The following SDHA variants were observed in gnomAD, a reference collection of about 807,000 sequenced individuals.
SDHA encodes succinate dehydrogenase [ubiquinone] flavoprotein subunit, mitochondrial.
In SDHA, 48 loss-of-function variants were observed where a neutral mutation model predicts 78.4. The ratio of observed to expected loss-of-function variants is 0.61; its 90% CI spans 0.49 to 0.78. The LOEUF is 0.78. SDHA is among the 30% of genes least tolerant of loss of function. The pLI is 0.00. For missense variants in SDHA, 680 were observed against 892.7 expected (o/e 0.76, Z 3.04); for synonymous variants, 326 against 353.9 (o/e 0.92, Z 0.88).
intron 11 of SDHA, among the ~76,000 whole-genome samples, chr5:242,254 C>T (rs1283196966): frequency 6.6e-6 from 1 of 152,234 alleles, no homozygotes; most frequent in Non-Finnish European, 1.5e-5. Context: ...CTCTGCAGCA[C>T]TGTGACATGC....
chr5:222,223 A>G (rs1362991367), intron 1 of SDHA, among the ~76,000 whole-genome samples: 1 of 152,190 alleles, frequency 6.6e-6, no homozygotes, highest in Non-Finnish European at 1.5e-5. Context: ...AATTGGAGAA[A>G]TGAAGAATAA....
chr5:221,780 G>A (rs1734729826), intron 1 of SDHA, among the ~76,000 whole-genome samples: 1 of 152,212 alleles, frequency 6.6e-6, no homozygotes, highest in East Asian at 1.9e-4. Flanking sequence ...TCAAAAATCT[G>A]CCCCAGATTA....
intron 13 of SDHA, among the ~76,000 whole-genome samples, chr5:253,836 C>T (rs536040913): frequency 7.8e-4 from 119 of 152,212 alleles, no homozygotes; most frequent in Non-Finnish European, 1.6e-3. Context: ...TGAGGCAGGC[C>T]AATGACTTGA....
intron 1 of SDHA, among the ~76,000 whole-genome samples, chr5:221,864 G>C (rs1458652635): frequency 6.6e-6 from 1 of 152,100 alleles, no homozygotes; most frequent in Admixed American, 6.6e-5. Context: ...TTGTGTTATA[G>C]TAGCTGCCCC....
rs563051768 is a variant in SDHA at position 220,271 on chromosome 5, G to A, written c.63+1853G>A. On this transcript the variant is annotated intron_variant, in intron 1 of 14. Transcript: ENST00000264932. The stretch of plus-strand genomic sequence containing the variant: ...GACACAGCTTGCAAACTGTTCGAAA[G>A]CAGTTTAATCAGAGGAAAAAGAAAA... 14 of 453,262 alleles carry A rather than the reference G, an allele frequency of 3.1e-5. 1 individual carries two copies. Among genetic ancestry groups the A allele is most frequent in the African/African-American group, 2.2e-4 (11 of 50,062 alleles). The allele number at this position is 453,262 out of a possible 1,614,324, so 28.1% of individuals were successfully genotyped here.
At chr5:251,268 A>G in intron 12 of SDHA, 70 bp from the exon 13 acceptor site, 1 of 1,569,896 alleles carries the variant, frequency 6.4e-7, no homozygotes, top group Non-Finnish European at 8.7e-7. Flanking sequence ...TAGCAGGCCC[A>G]GGCTGACAGC....
At chr5:264,619 G>A in the SDHA span, among the ~76,000 whole-genome samples, 1,922 of 152,360 alleles carry the variant, frequency 0.013, 41 homozygotes, top group African/African-American at 0.043. Flanking sequence ...GTTTGAGTCT[G>A]AGGAGTGACC....
rs1736578187 is a variant in SDHA at position 248,024 on chromosome 5, C to CT, written c.1552-2968_1552-2967insT. Reference sequence around the variant, plus strand: ...AAATTTTTTGAGCCTGCCTAAAGGCCAGATCTTATCAGCAGCTGAACAGCA... The same window carrying CT: ...AAATTTTTTGAGCCTGCCTAAAGGCCTAGATCTTATCAGCAGCTGAACAGCA... On this transcript the variant is annotated intron_variant, in intron 11 of 14. Coordinates refer to ENST00000264932, the MANE Select transcript of SDHA (RefSeq NM_004168.4). 1.3e-5 allele frequency among the ~76,000 whole-genome samples: 2 copies of CT among 152,196 alleles called. 1 individual carries two copies. The highest frequency in any genetic ancestry group is 1.3e-4 in the Admixed American group (2 of 15,284).
Position 256,327 on chromosome 5 carries a change from T to C in SDHA, c.1909-7T>C. 2 of 1,611,714 alleles carry C rather than the reference T, an allele frequency of 1.2e-6. No individual in the cohort carries two copies. The highest frequency in any genetic ancestry group is 1.7e-6 in the Non-Finnish European group (2 of 1,177,874). ...TGCTTAACTTACCACTGACTCTTCT[T>C]TTCAAGGTCACTCTGGAATATAGAC... is the stretch of plus-strand genomic sequence containing the variant. On this transcript the variant is annotated splice_polypyrimidine_tract_variant and splice_region_variant and intron_variant, in intron 14 of 14. Transcript: ENST00000264932.
At chr5:235,754 G>A (rs1228780388) in intron 9 of SDHA, 5 of 333,482 alleles carry the variant, frequency 1.5e-5, no homozygotes, top group Admixed American at 4.4e-5. Flanking sequence ...AGAGGTGAAC[G>A]GGGTAGAACA....
At chr5:226,718 G>A (rs1735051374) in intron 5 of SDHA, among the ~76,000 whole-genome samples, 1 of 151,938 alleles carries the variant, frequency 6.6e-6, no homozygotes, top group Non-Finnish European at 1.5e-5. Flanking sequence ...CACAAGGTCA[G>A]GAGTTTGAGG....
intron 11 of SDHA, among the ~76,000 whole-genome samples, chr5:241,734 A>T (rs549114374): frequency 6.6e-6 from 1 of 152,320 alleles, no homozygotes; most frequent in African/African-American, 2.4e-5. Flanking sequence ...TCTAACACCT[A>T]TGTGGTGTTA....
chr5:220,815 A>T (rs989451090), intron 1 of SDHA, among the ~76,000 whole-genome samples: 14 of 139,094 alleles, frequency 1.0e-4, no homozygotes, highest in African/African-American at 3.4e-4. Flanking sequence ...TGTGAACTGA[A>T]TTTTTTTTTT....
At chr5:256,301 G>A (rs1198257606) in intron 14 of SDHA, 33 bp from the exon 15 acceptor site, 2 of 1,514,862 alleles carry the variant, frequency 1.3e-6, no homozygotes, top group East Asian at 2.3e-5. Context: ...GTACATTTTT[G>A]TGCTTAACTT....
chr5:252,515 T>TTAAA lies in SDHA; in HGVS notation c.1794+1050_1794+1051insATAA, dbSNP rs1323068201. ...GCCCTGTGGAGGAAATGCCAGTTTATTAACGAGTAAGTCACCGTTTCAAAC... is the reference window on the plus strand; with the variant it reads ...GCCCTGTGGAGGAAATGCCAGTTTATTAAATAACGAGTAAGTCACCGTTTCAAAC... On this transcript the variant is annotated intron_variant, in intron 13 of 14. Transcript: ENST00000264932. Among the ~76,000 whole-genome samples, 277 of 143,998 alleles carry TTAAA rather than the reference T, an allele frequency of 1.9e-3. 3 individuals are homozygous for TTAAA. The highest frequency in any genetic ancestry group is 2.8e-3 in the Admixed American group (40 of 14,354). 94.5% of individuals were successfully genotyped at this position (143,998 alleles called of 152,430 possible).
At chr5:254,182 A>G (rs9688031) in intron 13 of SDHA, among the ~76,000 whole-genome samples, 34,294 of 146,434 alleles carry the variant, frequency 0.23, 6,311 homozygotes, top group African/African-American at 0.52. Context: ...GACATGGATT[A>G]CTGTGGACTC....
In SDHA at chr5:236,586, G is replaced by A. The variant is rs898003329; in HGVS notation, c.1419G>A (p.Glu473=). Residue 473 remains glutamate, a synonymous_variant, in exon 10 of 15, where the codon GAG becomes GAA. Coordinates refer to ENST00000264932, the MANE Select transcript of SDHA (RefSeq NM_004168.4). ...GGGCATGTGCCCTGAGCATCGAAGAGTCATGCAGGCCTGGTAAGTGTTTTC... is the reference window on the plus strand; with the variant it reads ...GGGCATGTGCCCTGAGCATCGAAGAATCATGCAGGCCTGGTAAGTGTTTTC... ...FGRACALSIE[E]SCRPGDKVPP... 6 of 1,613,908 alleles carry A rather than the reference G, an allele frequency of 3.7e-6. No homozygotes were observed. The African/African-American group carries it at 8.0e-5, about 22-fold the overall frequency.
At chr5:268,479 T>C in the SDHA span, among the ~76,000 whole-genome samples, 1 of 152,174 alleles carries the variant, frequency 6.6e-6, no homozygotes, top group Non-Finnish European at 1.5e-5. Context: ...GTGTTTTTTC[T>C]TTAAACCTTA....
Position 236,520 on chromosome 5 carries a change from C to G in SDHA, c.1353C>G (p.Arg451=), listed in dbSNP as rs555342133. 8.7e-6 allele frequency: 14 copies of G among 1,614,050 alleles called. No individual in the cohort carries two copies. In the Admixed American group the frequency reaches 1.8e-4, roughly 21 times the overall value. The stretch of plus-strand genomic sequence containing the variant: ...GTGCCTCGGTACATGGTGCCAACCG[C>G]CTCGGGGCAAACTCGCTCTTGGACC... ...AACASVHGAN[R]LGANSLLDLV... Residue 451 remains arginine, a synonymous_variant, in exon 10 of 15, where the codon CGC becomes CGG. Transcript: ENST00000264932.
Sources: allele counts gnomAD v4.1 joint callset (sites outside exome capture counted in the v4.1 genomes callset), GRCh38; gene constraint gnomAD v4.1.1; transcripts MANE v1.5; gene names NCBI Gene and HGNC (gene_info 2026-07-23, HGNC 2026-07-21).